Variants in F13A1 observed in about 807,000 individuals in gnomAD.
F13A1 encodes FSF, A subunit.
A neutral mutation model predicts 80.1 loss-of-function variants in F13A1; 47 were observed. The observed-to-expected ratio is 0.59, with a 90% CI of 0.46 to 0.75. The LOEUF is 0.75. Among genes scored for constraint, F13A1 ranks in the 30% least tolerant of loss-of-function variants. The probability of loss-of-function intolerance (pLI) is 0.00; values close to 1 mark genes in which losing one functional copy is unlikely to be tolerated. For missense variants in F13A1, 817 were observed against 930.4 expected, an observed-to-expected ratio of 0.88 and a Z score of 1.59; for synonymous variants, 349 against 344.9, an observed-to-expected ratio of 1.01 and a Z score of -0.13.
chr6:6,225,500 T>TTCTC (rs149464781), intron 6 of F13A1, among the ~76,000 whole-genome samples: 1 of 145,942 alleles, frequency 6.9e-6, no homozygotes, highest in South Asian at 2.1e-4. Flanking sequence ...TTCTTTTCTT[T>TTCTC]TCTCTCTCTC....
rs200849177 is a variant in F13A1 at position 6,197,942 on chromosome 6, A to G, written c.1113-616T>C. ...TAATCTTAACCATTTTCTGCTGACT[A>G]ACGAAACAACTTACTAGGTACCGAC... On this transcript the variant is annotated intron_variant, in intron 8 of 14. Coordinates refer to ENST00000264870, the MANE Select transcript of F13A1 (RefSeq NM_000129.4). Among the ~76,000 whole-genome samples, 133 of 85,190 alleles carry G rather than the reference A, an allele frequency of 1.6e-3. No individual in the cohort carries two copies. The East Asian group carries it at 0.035, about 23-fold the overall frequency. 55.9% of individuals were successfully genotyped at this position (85,190 alleles called of 152,430 possible).
chr6:6,167,212 T>A (rs943749167), intron 13 of F13A1, among the ~76,000 whole-genome samples: 6 of 152,214 alleles, frequency 3.9e-5, no homozygotes, highest in Non-Finnish European at 7.3e-5. Context: ...TATTTATATC[T>A]GCAGCCACAT....
chr6:6,298,087 G>A (rs1048239732), intron 3 of F13A1, among the ~76,000 whole-genome samples: 8 of 150,130 alleles, frequency 5.3e-5, no homozygotes, highest in African/African-American at 2.0e-4. Context: ...CTGAGTTCTA[G>A]TTTGATTGCA....
At chr6:6,148,672 T>C (rs982493603) in intron 14 of F13A1, among the ~76,000 whole-genome samples, 1 of 152,054 alleles carries the variant, frequency 6.6e-6, no homozygotes, top group Non-Finnish European at 1.5e-5. Context: ...AGGTCTTGGT[T>C]GTGAAGGTGT....
intron 13 of F13A1, among the ~76,000 whole-genome samples, chr6:6,159,806 A>C (rs6916752): frequency 0.52 from 78,242 of 151,782 alleles, 21,335 homozygotes; most frequent in African/African-American, 0.72. Flanking sequence ...TGGGTTAAGC[A>C]TCTTTCACAG....
rs61084409 is a variant in F13A1, at chr6:6,293,474, C to T, written c.319+11877G>A. Reference sequence around the variant, plus strand: ...AGAGAGAGAAGGCCCTGCAGACTCCCAGGGCATTTTTCAGCCACACCCACC... The same window carrying T: ...AGAGAGAGAAGGCCCTGCAGACTCCTAGGGCATTTTTCAGCCACACCCACC... On this transcript the variant is annotated intron_variant, in intron 3 of 14. Coordinates refer to ENST00000264870, the MANE Select transcript of F13A1 (RefSeq NM_000129.4). Among the ~76,000 whole-genome samples, 128 of 151,934 alleles carry T rather than the reference C, an allele frequency of 8.4e-4. 2 individuals carry two copies. The East Asian group carries it at 0.023, about 28-fold the overall frequency.
chr6:6,222,843 A>T (rs1262001221), intron 7 of F13A1, among the ~76,000 whole-genome samples: 1 of 152,172 alleles, frequency 6.6e-6, no homozygotes, highest in Non-Finnish European at 1.5e-5. Flanking sequence ...TTTTAACCAA[A>T]GACTACCCAC....
intron 8 of F13A1, among the ~76,000 whole-genome samples, chr6:6,203,713 T>C (rs967414611): frequency 1.3e-5 from 2 of 152,218 alleles, no homozygotes; most frequent in Non-Finnish European, 2.9e-5. Context: ...AGGAATTGTC[T>C]GATGATAAGT....
intron 4 of F13A1, among the ~76,000 whole-genome samples, chr6:6,263,205 C>T (rs1394062725): frequency 6.6e-6 from 1 of 152,198 alleles, no homozygotes; most frequent in Non-Finnish European, 1.5e-5. Flanking sequence ...GAGAAAGGTG[C>T]CATCTCCCGC....
At chr6:6,222,708 C>T (rs1561659926) in intron 7 of F13A1, among the ~76,000 whole-genome samples, 1 of 152,166 alleles carries the variant, frequency 6.6e-6, no homozygotes, top group Non-Finnish European at 1.5e-5. Flanking sequence ...TAAACTTAAT[C>T]CAAATGCCCT....
chr6:6,228,349 C>T (rs1275230923), intron 6 of F13A1, among the ~76,000 whole-genome samples: 1 of 152,184 alleles, frequency 6.6e-6, no homozygotes, highest in Non-Finnish European at 1.5e-5. Context: ...AGAGAGGCAA[C>T]ATGGCTCAGC....
At chr6:6,212,583 A>T (rs1761638041) in intron 8 of F13A1, among the ~76,000 whole-genome samples, 1 of 152,224 alleles carries the variant, frequency 6.6e-6, no homozygotes, top group Admixed American at 6.5e-5. Context: ...TGGGGAAAAA[A>T]CAGAGCAGAA....
At chr6:6,273,404 G>A (rs999538140) in intron 3 of F13A1, among the ~76,000 whole-genome samples, 1 of 152,164 alleles carries the variant, frequency 6.6e-6, no homozygotes, top group African/African-American at 2.4e-5. Flanking sequence ...AGCAATCTGG[G>A]TGTTCAATCC....
chr6:6,228,510 G>A (rs553844503), intron 6 of F13A1, among the ~76,000 whole-genome samples: 1 of 152,186 alleles, frequency 6.6e-6, no homozygotes, highest in South Asian at 2.1e-4. Flanking sequence ...GAGGCAGATA[G>A]ATTGCTTGAG....
At chr6:6,252,417 CTATG>C (rs1383899616) in intron 4 of F13A1, among the ~76,000 whole-genome samples, 2 of 152,112 alleles carry the variant, frequency 1.3e-5, no homozygotes, top group Non-Finnish European at 2.9e-5. Context: ...ACATATGTAT[CTATG>C]TATACTGTAT....
At chr6:6,211,210 G>T (rs564728600) in intron 8 of F13A1, among the ~76,000 whole-genome samples, 1 of 152,056 alleles carries the variant, frequency 6.6e-6, no homozygotes, top group Non-Finnish European at 1.5e-5. Context: ...TTAAATCAGG[G>T]CATTGCAAAA....
At chr6:6,176,900 C>A (rs189188633) in intron 11 of F13A1, among the ~76,000 whole-genome samples, 35 of 152,296 alleles carry the variant, frequency 2.3e-4, no homozygotes, top group Admixed American at 2.1e-3. Flanking sequence ...CACAGCCTGC[C>A]ATGGGTGCAG....
intron 6 of F13A1, 120 bp downstream of exon 6, chr6:6,248,192 C>A: frequency 1.1e-6 from 1 of 884,130 alleles, no homozygotes; most frequent in South Asian, 1.4e-5. Flanking sequence ...AAGCTAGAAT[C>A]TTACAAATGA....
Position 6,260,265 on chromosome 6 carries a change from G to A in F13A1, c.571+6293C>T, listed in dbSNP as rs554207116. 6.4e-4 allele frequency among the ~76,000 whole-genome samples: 97 copies of A among 152,276 alleles called. No homozygotes were observed. In the Middle Eastern group the frequency reaches 0.024, roughly 37 times the overall value. On this transcript the variant is annotated intron_variant, in intron 4 of 14. Transcript: ENST00000264870. ...TAAGGAGGATAAATTGCCTATGAATGCAAAGCAGGCTGAAGGGCCCTCAGG... is the reference window on the plus strand; with the variant it reads ...TAAGGAGGATAAATTGCCTATGAATACAAAGCAGGCTGAAGGGCCCTCAGG...
Sources: gnomAD v4.1 joint callset for allele counts (sites outside exome capture counted in the v4.1 genomes callset) on GRCh38, gnomAD v4.1.1 for gene constraint, MANE v1.5 for transcripts, NCBI Gene and HGNC (gene_info 2026-07-23, HGNC 2026-07-21) for gene names.